Variants in MCTP2 observed in about 807,000 individuals in gnomAD.
MCTP2 encodes multiple C2 and transmembrane domain-containing protein 2.
Under a neutral mutation model 111.6 loss-of-function variants are expected in MCTP2, and 132 were observed. The observed-to-expected ratio is 1.18, with a 90% CI of 1.03 to 1.37. MCTP2 has a LOEUF of 1.37. Among genes scored for constraint, MCTP2 ranks in the 40% most tolerant of loss-of-function variants. MCTP2 has a pLI of 0.00. For synonymous variants in MCTP2, 395 were observed against 387.7 expected, an observed-to-expected ratio of 1.02 and a Z score of -0.22; for missense variants, 1,183 against 1,067.9, an observed-to-expected ratio of 1.11 and a Z score of -1.50.
chr15:94,419,261 C>G (rs747677717), intron 17 of MCTP2, among the ~76,000 whole-genome samples: 4 of 152,128 alleles, frequency 2.6e-5, no homozygotes, highest in African/African-American at 7.2e-5. Flanking sequence ...CTGACCAGGT[C>G]ACTTTATGAC....
intron 21 of MCTP2, among the ~76,000 whole-genome samples, chr15:94,475,484 A>C (rs1289502922): frequency 6.6e-6 from 1 of 152,200 alleles, no homozygotes; most frequent in Non-Finnish European, 1.5e-5. Flanking sequence ...ACAACAACAA[A>C]AAAATCAAAC....
At chr15:94,354,153 A>G (rs1487855093) in intron 8 of MCTP2, among the ~76,000 whole-genome samples, 1 of 152,140 alleles carries the variant, frequency 6.6e-6, no homozygotes, top group African/African-American at 2.4e-5. Context: ...ACTTATGTTC[A>G]CCAGAGAAGA....
intron 17 of MCTP2, among the ~76,000 whole-genome samples, chr15:94,413,604 A>T (rs931414634): frequency 2.0e-5 from 3 of 151,738 alleles, no homozygotes; most frequent in African/African-American, 7.3e-5. Context: ...TCACAGAGAC[A>T]TTCCTTCATA....
chr15:94,304,767 A>C (rs1034760988), intron 2 of MCTP2, among the ~76,000 whole-genome samples: 1 of 152,108 alleles, frequency 6.6e-6, no homozygotes, highest in Non-Finnish European at 1.5e-5. Flanking sequence ...AGAACTTGAC[A>C]TACTCACACT....
chr15:94,444,622 T>A (rs987923525), intron 19 of MCTP2, among the ~76,000 whole-genome samples: 1 of 152,316 alleles, frequency 6.6e-6, no homozygotes, highest in African/African-American at 2.4e-5. Context: ...TGGAGCTATT[T>A]TAGGAACTGA....
chr15:94,425,211 T>C (rs551334524), intron 17 of MCTP2, among the ~76,000 whole-genome samples: 1 of 152,330 alleles, frequency 6.6e-6, no homozygotes, highest in African/African-American at 2.4e-5. Flanking sequence ...TTATTGAATA[T>C]TCTGCCTTTT....
At chr15:94,346,745 A>G (rs972896468) in intron 8 of MCTP2, among the ~76,000 whole-genome samples, 1 of 152,156 alleles carries the variant, frequency 6.6e-6, no homozygotes, top group African/African-American at 2.4e-5. Flanking sequence ...TCTAGGGAGG[A>G]CAGGAGAGGT....
intron 11 of MCTP2, among the ~76,000 whole-genome samples, chr15:94,369,288 G>C (rs1238057291): frequency 1.3e-5 from 2 of 152,142 alleles, no homozygotes; most frequent in East Asian, 3.8e-4. Context: ...CTTGAGGTCT[G>C]TTTATCACAG....
intron 1 of MCTP2, among the ~76,000 whole-genome samples, chr15:94,263,918 A>C (rs562348888): frequency 2.0e-5 from 3 of 152,348 alleles, no homozygotes; most frequent in Non-Finnish European, 2.9e-5. Flanking sequence ...TCAAATTGTC[A>C]GCTGAACAGC....
At chr15:94,430,381 A>C (rs1008858463) in intron 17 of MCTP2, among the ~76,000 whole-genome samples, 44 of 139,110 alleles carry the variant, frequency 3.2e-4, no homozygotes, top group Non-Finnish European at 1.8e-4. Flanking sequence ...AACAAAAAAA[A>C]CCCAAAAACA....
intron 4 of MCTP2, among the ~76,000 whole-genome samples, chr15:94,328,693 C>G (rs1252227430): frequency 6.6e-6 from 1 of 152,132 alleles, no homozygotes; most frequent in Non-Finnish European, 1.5e-5. Flanking sequence ...ATTCTTGAGA[C>G]TCTCTCTATG....
At chr15:94,315,109 G>T (rs767815464) in intron 3 of MCTP2, among the ~76,000 whole-genome samples, 1 of 152,114 alleles carries the variant, frequency 6.6e-6, no homozygotes, top group Non-Finnish European at 1.5e-5. Context: ...AGAACAGGAC[G>T]GGGCATCTTA....
intron 1 of MCTP2, among the ~76,000 whole-genome samples, chr15:94,272,009 G>C (rs985152439): frequency 6.6e-6 from 1 of 152,178 alleles, no homozygotes; most frequent in Non-Finnish European, 1.5e-5. Flanking sequence ...CAGGTGTTCT[G>C]TTTCTGCAGG....
At chr15:94,357,858 C>A (rs927837803) in intron 9 of MCTP2, among the ~76,000 whole-genome samples, 1 of 152,324 alleles carries the variant, frequency 6.6e-6, no homozygotes, top group African/African-American at 2.4e-5. Flanking sequence ...CAGTTTGAAT[C>A]ACTTTTGAAG....
intron 6 of MCTP2, among the ~76,000 whole-genome samples, 182 bp from the exon 7 acceptor site, chr15:94,340,631 T>G (rs1013192091): frequency 6.6e-6 from 1 of 152,198 alleles, no homozygotes; most frequent in African/African-American, 2.4e-5. Flanking sequence ...AATTAAACAA[T>G]GCCAAACAGT....
chr15:94,247,251 C>G (rs1373058723), intron 1 of MCTP2, among the ~76,000 whole-genome samples: 2 of 152,138 alleles, frequency 1.3e-5, no homozygotes, highest in Non-Finnish European at 2.9e-5. Context: ...GGATGCACAT[C>G]AGTCAGCTCC....
rs1318286641 is a variant in MCTP2, at chr15:94,390,102, ATATATATATATG to A, written c.1788+4589_1788+4600del. ...TATATATATATATGTATATATATATATATATATATATGTATATATATATATATATACTTAGAT... is the reference window on the plus strand; with the variant it reads ...TATATATATATATGTATATATATATATATATATATATATATATACTTAGAT... On this transcript the variant is annotated intron_variant, in intron 14 of 22. Transcript: ENST00000357742. 1.4e-3 allele frequency among the ~76,000 whole-genome samples: 55 copies of A among 39,198 alleles called. 2 individuals are homozygous for A. The highest frequency in any genetic ancestry group is 0.014 in the Middle Eastern group (1 of 74). The allele number at this position is 39,198 out of a possible 152,430, so 25.7% of individuals were successfully genotyped here. A position where few individuals can be genotyped will look rare whatever the true frequency, so the allele number is the denominator to read the frequency against.
chr15:94,236,090 G>A (rs561296679), intron 1 of MCTP2, among the ~76,000 whole-genome samples: 58 of 152,212 alleles, frequency 3.8e-4, no homozygotes, highest in African/African-American at 1.1e-3. Context: ...TTCCCATAGC[G>A]TCATGATTAA....
At position 94,264,436 on chromosome 15, in the gene MCTP2, G is replaced by A. The variant is rs576583944; in HGVS notation, c.-66+32772G>A. Among the ~76,000 whole-genome samples, 32 of 152,086 alleles carry A rather than the reference G, an allele frequency of 2.1e-4. 1 individual carries two copies. The highest frequency in any genetic ancestry group is 8.3e-4 in the South Asian group (4 of 4,822). On this transcript the variant is annotated intron_variant, in intron 1 of 22. Transcript: ENST00000357742. ...ATCCTGGCTAACACAGCGAAACCCT[G>A]TCTCTACTAAAAATACAAAAAAATT...
Sources: gnomAD v4.1 joint callset for allele counts (sites outside exome capture counted in the v4.1 genomes callset) on GRCh38, gnomAD v4.1.1 for gene constraint, MANE v1.5 for transcripts, NCBI Gene and HGNC (gene_info 2026-07-23, HGNC 2026-07-21) for gene names.